The following RABGAP1 variants were observed in gnomAD, a reference collection of about 807,000 sequenced individuals.
RABGAP1 encodes rab GTPase-activating protein 1.
In RABGAP1, 23 loss-of-function variants were observed where a neutral mutation model predicts 137.6. The observed-to-expected ratio is 0.17, with a 90% CI of 0.12 to 0.24. The LOEUF is 0.24. Ranked by LOEUF, RABGAP1 falls within the 10% of genes least tolerant of loss-of-function variation. The pLI, the probability that RABGAP1 is intolerant of heterozygous loss-of-function variation, is 1.00. For missense variants in RABGAP1, 906 were observed against 1,275.8 expected (o/e 0.71, Z 4.42); for synonymous variants, 451 against 450.7 (o/e 1.00, Z -0.01).
chr9:123,026,861 G>A (rs2031999220), intron 13 of RABGAP1, among the ~76,000 whole-genome samples: 1 of 152,096 alleles, frequency 6.6e-6, no homozygotes, highest in Non-Finnish European at 1.5e-5. Context: ...GTGCTTAGTA[G>A]CAAAAATTTA....
At chr9:122,950,379 T>TTTTC (rs1554782680) in intron 1 of RABGAP1, among the ~76,000 whole-genome samples, 1 of 137,250 alleles carries the variant, frequency 7.3e-6, no homozygotes, top group African/African-American at 2.8e-5. Flanking sequence ...TTTTCTTTCT[T>TTTTC]TTTTTTTTTT....
At chr9:123,044,625 A>ATGTGTG in intron 13 of RABGAP1, among the ~76,000 whole-genome samples, 1 of 79,452 alleles carries the variant, frequency 1.3e-5, no homozygotes, top group African/African-American at 4.1e-5. Context: ...AAACACACGT[A>ATGTGTG]CGTGTGTGTG....
At chr9:123,055,280 C>A (rs2033645550) in intron 13 of RABGAP1, among the ~76,000 whole-genome samples, 1 of 152,136 alleles carries the variant, frequency 6.6e-6, no homozygotes, top group South Asian at 2.1e-4. Flanking sequence ...CAGCTTTGAC[C>A]CCCCAGGCTC....
At chr9:122,935,676 C>T in the RABGAP1 span, among the ~76,000 whole-genome samples, 1 of 152,138 alleles carries the variant, frequency 6.6e-6, no homozygotes, top group Non-Finnish European at 1.5e-5. Context: ...ACTTTTAAAT[C>T]AGAGAAAATA....
chr9:123,048,356 A>C (rs1300835160), intron 13 of RABGAP1, among the ~76,000 whole-genome samples: 1 of 152,222 alleles, frequency 6.6e-6, no homozygotes, highest in Middle Eastern at 3.2e-3. Context: ...ATTTTGAAGC[A>C]TTTATAAGCA....
chr9:123,053,652 T>G (rs935506556), intron 13 of RABGAP1, among the ~76,000 whole-genome samples: 11 of 152,144 alleles, frequency 7.2e-5, no homozygotes, highest in Admixed American at 5.9e-4. Context: ...TTTGGTGGTG[T>G]TTTTGTTTTA....
At chr9:122,976,339 T>C (rs1461916875) in intron 2 of RABGAP1, among the ~76,000 whole-genome samples, 1 of 152,244 alleles carries the variant, frequency 6.6e-6, no homozygotes, top group Non-Finnish European at 1.5e-5. Flanking sequence ...TTTTGCTTTT[T>C]TTGTCTTCAT....
chr9:123,078,548 T>C (rs984668238), intron 19 of RABGAP1, among the ~76,000 whole-genome samples: 1 of 152,084 alleles, frequency 6.6e-6, no homozygotes, highest in African/African-American at 2.4e-5. Context: ...TCAAAGAAAA[T>C]AGGTTTGCAC....
At chr9:122,957,644 C>G (rs10818769) in intron 2 of RABGAP1, among the ~76,000 whole-genome samples, 94,872 of 151,728 alleles carry the variant, frequency 0.63, 36,739 homozygotes, top group Non-Finnish European at 0.86. Flanking sequence ...GCCACTATTA[C>G]TTATTTTCCA....
rs184586112 is a variant in RABGAP1, at chr9:122,951,597, G to T, written c.-49-5414G>T. Among the ~76,000 whole-genome samples, 4 of 151,146 alleles carry T rather than the reference G, an allele frequency of 2.6e-5. No homozygotes were observed. The East Asian group carries it at 7.8e-4, about 29-fold the overall frequency. On this transcript the variant is annotated intron_variant, in intron 1 of 25. Coordinates refer to ENST00000373647, the MANE Select transcript of RABGAP1 (RefSeq NM_012197.4). Reference sequence around the variant, plus strand: ...AATTTTTTTTTTTTTTTGAGATGGGGTCTCACTCTGTCACTTAGGCTGGAG... The same window carrying T: ...AATTTTTTTTTTTTTTTGAGATGGGTTCTCACTCTGTCACTTAGGCTGGAG...
At chr9:123,081,327 C>T (rs771730703) in intron 19 of RABGAP1, among the ~76,000 whole-genome samples, 4 of 152,198 alleles carry the variant, frequency 2.6e-5, no homozygotes, top group Non-Finnish European at 4.4e-5. Flanking sequence ...GTGCCCCTAA[C>T]TCGTGTTGTT....
At chr9:122,974,597 G>T (rs1398649747) in intron 2 of RABGAP1, among the ~76,000 whole-genome samples, 1 of 151,832 alleles carries the variant, frequency 6.6e-6, no homozygotes, top group African/African-American at 2.4e-5. Context: ...TTCTAGACCA[G>T]CCTAGGTAAC....
intron 19 of RABGAP1, among the ~76,000 whole-genome samples, chr9:123,078,340 T>G (rs772562589): frequency 1.4e-4 from 21 of 152,172 alleles, no homozygotes; most frequent in Non-Finnish European, 3.1e-4. Flanking sequence ...GTATTACGGC[T>G]AACAGTTAAT....
intron 24 of RABGAP1, 32 bp from the exon 25 acceptor site, chr9:123,101,530 CTTCT>C: frequency 6.3e-7 from 1 of 1,592,408 alleles, no homozygotes; most frequent in East Asian, 2.3e-5. Flanking sequence ...GCCAGTTCCT[CTTCT>C]TTGCCTCTTC....
chr9:122,971,896 A>G (rs577246690), intron 2 of RABGAP1: 1 of 152,354 alleles, frequency 6.6e-6, no homozygotes, highest in East Asian at 1.9e-4. Flanking sequence ...AAGAGATAAT[A>G]GTTGAATATT....
intron 13 of RABGAP1, among the ~76,000 whole-genome samples, 181 bp from the exon 14 acceptor site, chr9:123,065,167 C>T (rs903873855): frequency 6.6e-6 from 1 of 152,052 alleles, no homozygotes; most frequent in Non-Finnish European, 1.5e-5. Context: ...TTTTTTCCCC[C>T]TTTACATTTG....
chr9:123,015,623 C>G lies in RABGAP1; in HGVS notation c.1630C>G (p.Leu544Val), dbSNP rs199962839. 2 of 1,607,638 alleles carry G rather than the reference C, an allele frequency of 1.2e-6. No homozygotes were observed. The highest frequency in any genetic ancestry group is 1.7e-6 in the Non-Finnish European group (2 of 1,174,756). Residue 544 changes from leucine (L) to valine (V), a missense_variant, in exon 12 of 26, where the codon CTG (leucine) becomes GTG (valine). Physicochemically the swap from Leu to Val is conservative, Grantham distance 32 (BLOSUM62 1). This residue lies in a region of RABGAP1 where 212 missense variants were observed against 289.4 expected (regional missense o/e 0.73). Transcript: ENST00000373647. ...AAAAATTCTTGAAACATGGGGAGAA[C>G]TGTTGTCAAAATGGTAAGTTATGAT... The part of the protein sequence containing the change: ...AEKILETWGE[L>V]LSKWHLNLNV...
intron 10 of RABGAP1, among the ~76,000 whole-genome samples, chr9:123,005,307 T>G (rs894495645): frequency 6.6e-6 from 1 of 151,830 alleles, no homozygotes; most frequent in African/African-American, 2.4e-5. Flanking sequence ...TTTCCTTTTT[T>G]TTTTGAATAT....
intron 13 of RABGAP1, among the ~76,000 whole-genome samples, chr9:123,060,767 TTAC>T (rs1459665209): frequency 6.6e-6 from 1 of 152,218 alleles, no homozygotes; most frequent in Non-Finnish European, 1.5e-5. Flanking sequence ...ACCACTACAA[TTAC>T]AGGGTTTTAT....
Sources: allele counts gnomAD v4.1 joint callset (sites outside exome capture counted in the v4.1 genomes callset), GRCh38; gene constraint gnomAD v4.1.1; regional missense constraint gnomAD v4.1.1; transcripts MANE v1.5; gene names NCBI Gene and HGNC (gene_info 2026-07-23, HGNC 2026-07-21).